HMBOX1: variants seen among roughly 807,000 people sequenced by gnomAD.
HMBOX1 encodes homeobox containing 1, also known as homeobox-containing protein 1.
In HMBOX1, 14 loss-of-function variants were observed where a neutral mutation model predicts 54.5. The observed-to-expected ratio is 0.26, with a 90% CI of 0.17 to 0.40. The LOEUF (loss-of-function observed/expected upper bound fraction) is 0.40, where lower values mean the gene tolerates loss of function less well. Among genes scored for constraint, HMBOX1 ranks in the 10% least tolerant of loss-of-function variants. HMBOX1 has a pLI of 1.00. For synonymous variants in HMBOX1, 160 were observed against 181.0 expected (o/e 0.88, Z 0.93); for missense variants, 332 against 514.4 (o/e 0.65, Z 3.43).
chr8:28,961,898 T>A (rs75541214), intron 1 of HMBOX1, among the ~76,000 whole-genome samples: 10 of 95,474 alleles, frequency 1.0e-4, no homozygotes, highest in Non-Finnish European at 2.3e-4. Context: ...CATTTTATTT[T>A]TTTTTTTTTT....
intron 1 of HMBOX1, among the ~76,000 whole-genome samples, chr8:28,910,331 A>G (rs943770017): frequency 3.3e-5 from 5 of 152,170 alleles, no homozygotes; most frequent in Non-Finnish European, 7.3e-5. Context: ...GTTGTTTGGG[A>G]TGTTTCCAGA....
At chr8:28,969,515 T>A (rs961023891) in intron 2 of HMBOX1, among the ~76,000 whole-genome samples, 11 of 147,108 alleles carry the variant, frequency 7.5e-5, no homozygotes, top group African/African-American at 2.4e-4. Context: ...TTGCTGGTTA[T>A]TAGCATTTGC....
chr8:29,017,902 A>G (rs1406823511), intron 5 of HMBOX1, among the ~76,000 whole-genome samples: 1 of 152,242 alleles, frequency 6.6e-6, no homozygotes, highest in East Asian at 1.9e-4. Flanking sequence ...ATATTTATTA[A>G]TATTGCATAA....
intron 3 of HMBOX1, among the ~76,000 whole-genome samples, chr8:28,973,061 T>A (rs1051505221): frequency 6.6e-6 from 1 of 152,168 alleles, no homozygotes; most frequent in Non-Finnish European, 1.5e-5. Context: ...ATCTCTCTGG[T>A]TCTCTGCCAT....
intron 6 of HMBOX1, among the ~76,000 whole-genome samples, chr8:29,021,477 A>G (rs1801148461): frequency 6.6e-6 from 1 of 152,140 alleles, no homozygotes; most frequent in South Asian, 2.1e-4. Context: ...TATCCCTAAT[A>G]AAGAGCTCTT....
At chr8:28,890,228 T>C (rs546588941), upstream of HMBOX1, 19 of 217,708 alleles carry the variant, frequency 8.7e-5, no homozygotes, top group Admixed American at 9.8e-4. Context: ...TCCCGACGGC[T>C]CCGACTCCCC....
chr8:28,959,386 G>T (rs1386988246), intron 1 of HMBOX1, among the ~76,000 whole-genome samples: 5 of 152,186 alleles, frequency 3.3e-5, no homozygotes, highest in Non-Finnish European at 7.3e-5. Flanking sequence ...TGAAGGAGGA[G>T]CATGAGGTTT....
intron 1 of HMBOX1, among the ~76,000 whole-genome samples, chr8:28,947,346 G>C (rs924205783): frequency 6.6e-6 from 1 of 152,218 alleles, no homozygotes; most frequent in Non-Finnish European, 1.5e-5. Flanking sequence ...ACCACTATCT[G>C]ACTGCCCACC....
At chr8:29,021,621 C>A (rs112041432) in intron 6 of HMBOX1, among the ~76,000 whole-genome samples, 1 of 151,604 alleles carries the variant, frequency 6.6e-6, no homozygotes, top group Non-Finnish European at 1.5e-5. Flanking sequence ...TTTGGGAGGC[C>A]GAGGCGGGCG....
intron 1 of HMBOX1, among the ~76,000 whole-genome samples, chr8:28,920,462 G>T (rs1817357217): frequency 1.3e-5 from 2 of 152,256 alleles, no homozygotes; most frequent in South Asian, 4.1e-4. Context: ...TAATGGAAAA[G>T]ATGTAACTGT....
chr8:28,958,232 G>A (rs373507553), intron 1 of HMBOX1, among the ~76,000 whole-genome samples: 24 of 152,232 alleles, frequency 1.6e-4, no homozygotes, highest in South Asian at 6.2e-4. Flanking sequence ...GTCCTGAGCC[G>A]CTGGGATTAC....
chr8:29,014,064 C>G (rs1318083513), intron 5 of HMBOX1, among the ~76,000 whole-genome samples: 1 of 113,762 alleles, frequency 8.8e-6, no homozygotes, highest in African/African-American at 3.5e-5. Flanking sequence ...CTATGGATGG[C>G]GTAGTAATGA....
At chr8:28,948,731 G>T (rs1389304885) in intron 1 of HMBOX1, among the ~76,000 whole-genome samples, 3 of 152,098 alleles carry the variant, frequency 2.0e-5, no homozygotes, top group African/African-American at 4.8e-5. Flanking sequence ...ATAAATTGAT[G>T]TGACTGGAAA....
chr8:28,933,755 T>C (rs1261158481), intron 1 of HMBOX1, among the ~76,000 whole-genome samples: 2 of 152,190 alleles, frequency 1.3e-5, no homozygotes, highest in African/African-American at 4.8e-5. Context: ...CAAGAAGAAA[T>C]AATCTGAAAA....
At chr8:28,985,433 G>A (rs1830021171) in intron 4 of HMBOX1, among the ~76,000 whole-genome samples, 1 of 152,104 alleles carries the variant, frequency 6.6e-6, no homozygotes, top group African/African-American at 2.4e-5. Flanking sequence ...TTCAACATAG[G>A]AATTTTAGAG....
At chr8:28,927,139 G>C (rs1378846932) in intron 1 of HMBOX1, among the ~76,000 whole-genome samples, 1 of 151,940 alleles carries the variant, frequency 6.6e-6, no homozygotes, top group African/African-American at 2.4e-5. Flanking sequence ...AGTATAATCA[G>C]ATTGCTTGAA....
At chr8:28,935,391 G>A (rs1444315458) in intron 1 of HMBOX1, among the ~76,000 whole-genome samples, 1 of 152,188 alleles carries the variant, frequency 6.6e-6, no homozygotes, top group African/African-American at 2.4e-5. Context: ...ACAGAATAGA[G>A]ACTGGAAAGA....
intron 3 of HMBOX1, among the ~76,000 whole-genome samples, chr8:28,973,659 C>T (rs934647260): frequency 6.6e-6 from 1 of 152,020 alleles, no homozygotes; most frequent in African/African-American, 2.4e-5. Flanking sequence ...TATCTGAATG[C>T]TTTCCTGTCT....
intron 3 of HMBOX1, among the ~76,000 whole-genome samples, chr8:28,974,432 ATAT>A (rs1586204936): frequency 6.6e-6 from 1 of 152,210 alleles, no homozygotes; most frequent in Non-Finnish European, 1.5e-5. Context: ...TTTCATGTAC[ATAT>A]TATGAAATAA....
Sources: gnomAD v4.1 joint callset for allele counts (sites outside exome capture counted in the v4.1 genomes callset) on GRCh38, gnomAD v4.1.1 for gene constraint, MANE v1.5 for transcripts, NCBI Gene and HGNC (gene_info 2026-07-23, HGNC 2026-07-21) for gene names.